The following AGBL4 variants were observed in gnomAD, a reference collection of about 807,000 sequenced individuals.
AGBL4 encodes AGBL carboxypeptidase 4, also known as cytosolic carboxypeptidase 6.
Under a neutral mutation model 66.4 loss-of-function variants are expected in AGBL4, and 58 were observed. That is an observed-to-expected ratio of 0.87 (90% CI 0.71 to 1.09). The LOEUF (loss-of-function observed/expected upper bound fraction) is 1.09, where lower values mean the gene tolerates loss of function less well. Among genes scored for constraint, AGBL4 ranks in the 50% least tolerant of loss-of-function variants. The probability of loss-of-function intolerance (pLI) is 0.00; values close to 1 mark genes in which losing one functional copy is unlikely to be tolerated. For missense variants in AGBL4, 579 were observed against 631.0 expected, an observed-to-expected ratio of 0.92 and a Z score of 0.88; for synonymous variants, 234 against 222.9, an observed-to-expected ratio of 1.05 and a Z score of -0.44.
At chr1:49,918,894 T>A (rs1438056192) in intron 1 of AGBL4, among the ~76,000 whole-genome samples, 2 of 152,160 alleles carry the variant, frequency 1.3e-5, no homozygotes, top group African/African-American at 2.4e-5. Context: ...CAGGATCAAG[T>A]GGGCTTCATC....
chr1:49,874,940 G>C (rs1646943022), intron 1 of AGBL4, among the ~76,000 whole-genome samples: 1 of 146,990 alleles, frequency 6.8e-6, no homozygotes, highest in African/African-American at 2.5e-5. Context: ...TTGTCATCTA[G>C]CATTAGGTAT....
chr1:49,194,805 A>T lies in AGBL4; in HGVS notation c.377+50965T>A, dbSNP rs1281234092. On this transcript the variant is annotated intron_variant, in intron 4 of 13. Coordinates refer to ENST00000371839, the MANE Select transcript of AGBL4 (RefSeq NM_032785.4). The stretch of plus-strand genomic sequence containing the variant: ...TGTGTAGGTTTTGTAAAGGAGTATG[A>T]TCTTTATTTCATAGATAATTGGGAA... Among the ~76,000 whole-genome samples, 3 of 150,252 alleles carry T rather than the reference A, an allele frequency of 2.0e-5. No individual in the cohort carries two copies. The East Asian group carries it at 5.9e-4, about 29-fold the overall frequency.
chr1:49,656,098 G>T (rs1362714937), intron 3 of AGBL4, among the ~76,000 whole-genome samples: 2 of 151,426 alleles, frequency 1.3e-5, no homozygotes, highest in African/African-American at 2.4e-5. Context: ...AGTGAGCCAA[G>T]ATCGTGCCAC....
At chr1:49,256,423 TTG>T (rs1177681748) in intron 3 of AGBL4, among the ~76,000 whole-genome samples, 1 of 152,174 alleles carries the variant, frequency 6.6e-6, no homozygotes, top group African/African-American at 2.4e-5. Flanking sequence ...TAAAATTTTA[TTG>T]TGATACCAAT....
At chr1:49,441,036 C>T (rs961897349) in intron 3 of AGBL4, among the ~76,000 whole-genome samples, 2 of 152,098 alleles carry the variant, frequency 1.3e-5, no homozygotes, top group African/African-American at 4.8e-5. Flanking sequence ...TGATGGCCTC[C>T]CCTGAGGCAG....
chr1:49,484,138 C>T (rs1237587535), intron 3 of AGBL4, among the ~76,000 whole-genome samples: 1 of 151,958 alleles, frequency 6.6e-6, no homozygotes, highest in Admixed American at 6.6e-5. Context: ...ATCCCTCATA[C>T]ACTGTTTGTG....
intron 7 of AGBL4, among the ~76,000 whole-genome samples, chr1:48,659,323 C>T (rs1474705175): frequency 6.6e-6 from 1 of 152,098 alleles, no homozygotes; most frequent in African/African-American, 2.4e-5. Context: ...GGCAAAGTCC[C>T]CTAGCTAGAT....
At chr1:49,085,262 T>TTCATCA (rs55673573) in intron 4 of AGBL4, among the ~76,000 whole-genome samples, 408 of 145,434 alleles carry the variant, frequency 2.8e-3, no homozygotes, top group South Asian at 0.011. Flanking sequence ...GACTGGGACT[T>TTCATCA]TCATCATCAT....
At chr1:49,497,031 C>T in intron 3 of AGBL4, among the ~76,000 whole-genome samples, 1 of 151,886 alleles carries the variant, frequency 6.6e-6, no homozygotes, top group East Asian at 1.9e-4. Context: ...TGGTTGCCAC[C>T]ACCTGTCATC....
At chr1:49,880,011 T>G (rs968633399) in intron 1 of AGBL4, among the ~76,000 whole-genome samples, 3 of 150,806 alleles carry the variant, frequency 2.0e-5, no homozygotes, top group Non-Finnish European at 4.4e-5. Flanking sequence ...TTCAGCTCCA[T>G]CAGCTCCTTT....
At chr1:48,722,413 C>T (rs916080948) in intron 6 of AGBL4, among the ~76,000 whole-genome samples, 2 of 152,028 alleles carry the variant, frequency 1.3e-5, no homozygotes, top group African/African-American at 4.8e-5. Context: ...GAACTGGGGT[C>T]GAGTGGGGAC....
chr1:49,987,117 C>T (rs1659562297), intron 1 of AGBL4, among the ~76,000 whole-genome samples: 1 of 152,048 alleles, frequency 6.6e-6, no homozygotes, highest in Non-Finnish European at 1.5e-5. Context: ...TAAAAAACAT[C>T]AGCATATACT....
At chr1:49,444,978 C>A (rs1018268602) in intron 3 of AGBL4, among the ~76,000 whole-genome samples, 3 of 150,816 alleles carry the variant, frequency 2.0e-5, no homozygotes, top group Non-Finnish European at 4.4e-5. Flanking sequence ...GATGTGTTTT[C>A]ATGATGGCAA....
intron 2 of AGBL4, among the ~76,000 whole-genome samples, chr1:49,717,058 T>G (rs1459535308): frequency 6.6e-6 from 1 of 152,138 alleles, no homozygotes; most frequent in Non-Finnish European, 1.5e-5. Flanking sequence ...CTCCTTAAGC[T>G]GATAAGCAAC....
At chr1:48,985,527 G>A (rs189002159) in intron 5 of AGBL4, among the ~76,000 whole-genome samples, 21 of 152,206 alleles carry the variant, frequency 1.4e-4, no homozygotes, top group Non-Finnish European at 2.5e-4. Context: ...TAATTCATAG[G>A]GCACTGGGTA....
Position 49,697,451 on chromosome 1 carries a change from T to C in AGBL4, c.158-14A>G. 2 of 1,494,604 alleles carry C rather than the reference T, an allele frequency of 1.3e-6. No homozygotes were observed. Among genetic ancestry groups the C allele is most frequent in the Non-Finnish European group, 1.8e-6 (2 of 1,104,954 alleles). 92.6% of individuals were successfully genotyped at this position (1,494,604 alleles called of 1,614,324 possible). On this transcript the variant is annotated splice_polypyrimidine_tract_variant and intron_variant, in intron 2 of 13. Coordinates refer to ENST00000371839, the MANE Select transcript of AGBL4 (RefSeq NM_032785.4). ...GGCCCAGGTTACCTGGTAATAAAAA[T>C]TAAGAGAATTGGATTTTAATAGAAG...
the AGBL4 span, among the ~76,000 whole-genome samples, chr1:48,525,895 C>T: frequency 2.4e-4 from 36 of 152,276 alleles, no homozygotes; most frequent in East Asian, 2.5e-3. Flanking sequence ...CTCTTTATAA[C>T]GCAGGAGTGT....
chr1:50,012,303 C>T (rs1268945977), intron 1 of AGBL4, among the ~76,000 whole-genome samples: 3 of 150,976 alleles, frequency 2.0e-5, no homozygotes, highest in Non-Finnish European at 4.4e-5. Flanking sequence ...AATAGGGTGA[C>T]TATAGTCAAT....
chr1:49,959,027 A>AC (rs1557619959), intron 1 of AGBL4, among the ~76,000 whole-genome samples: 3 of 151,672 alleles, frequency 2.0e-5, no homozygotes, highest in Admixed American at 6.6e-5. Flanking sequence ...AAAAAAAAAA[A>AC]ATAGAATCAA....
Sources: gnomAD v4.1 joint callset for allele counts (sites outside exome capture counted in the v4.1 genomes callset) on GRCh38, gnomAD v4.1.1 for gene constraint, MANE v1.5 for transcripts, NCBI Gene and HGNC (gene_info 2026-07-23, HGNC 2026-07-21) for gene names.